The following DPY19L4 variants were observed in gnomAD, a reference collection of about 807,000 sequenced individuals.
The protein encoded by DPY19L4 is dpy-19 like 4.
Under a neutral mutation model 102.8 loss-of-function variants are expected in DPY19L4, and 97 were observed. The ratio of observed to expected loss-of-function variants is 0.94; its 90% confidence interval spans 0.80 to 1.12. The LOEUF is 1.12. Among genes scored for constraint, DPY19L4 ranks in the 50% most tolerant of loss-of-function variants. The probability of loss-of-function intolerance (pLI) is 0.00; values close to 1 mark genes in which losing one functional copy is unlikely to be tolerated. For synonymous variants in DPY19L4, 252 were observed against 283.1 expected (o/e 0.89, Z 1.10); for missense variants, 815 against 850.4 (o/e 0.96, Z 0.52).
At chr8:94,771,689 G>T (rs1429056485) in intron 13 of DPY19L4, among the ~76,000 whole-genome samples, 1 of 152,208 alleles carries the variant, frequency 6.6e-6, no homozygotes. Context: ...GCAGGTAGAG[G>T]GAATGGCATA....
chr8:94,776,302 G>A (rs1222850865), intron 13 of DPY19L4, among the ~76,000 whole-genome samples: 1 of 151,380 alleles, frequency 6.6e-6, no homozygotes, highest in African/African-American at 2.4e-5. Flanking sequence ...TAATTTGCTG[G>A]GATTACAGGC....
intron 2 of DPY19L4, among the ~76,000 whole-genome samples, chr8:94,727,768 T>C (rs1586306080): frequency 6.6e-6 from 1 of 152,146 alleles, no homozygotes; most frequent in South Asian, 2.1e-4. Flanking sequence ...GGGCTGGTCA[T>C]GTAGGTATCC....
Position 94,792,738 on chromosome 8 carries a change from C to G in DPY19L4, c.*2828C>G, listed in dbSNP as rs966152199. The stretch of plus-strand genomic sequence containing the variant: ...GGGCAGGGTGGCGGGCGCCTGTAGT[C>G]CCAGCTACTCCGAGGCTGAAGCAGG... On this transcript the variant is annotated 3_prime_UTR_variant, in exon 19 of 19. Transcript: ENST00000414645. The G allele has an allele frequency of 6.6e-6, 1 of 152,316 alleles. No individual in the cohort carries two copies. The highest frequency in any genetic ancestry group is 1.5e-5 in the Non-Finnish European group (1 of 68,260). The allele number at this position is 152,316 out of a possible 1,614,324, so 9.4% of individuals were successfully genotyped here.
chr8:94,783,756 G>A lies in DPY19L4; in HGVS notation c.1802G>A (p.Ser601Asn), dbSNP rs1813534392. ...TTATGCACTGGATGGATGGTGACAA[G>A]TTTGCCTCTTTACAATGATGATGAT... is the stretch of plus-strand genomic sequence containing the variant. Reference protein sequence around the residue: ...IKLCTGWMVTSLPLYNDDDLL... With the variant: ...IKLCTGWMVTNLPLYNDDDLL... Residue 601 changes from serine to asparagine, a missense_variant, in exon 17 of 19, where the codon AGT becomes AAT. Coordinates refer to ENST00000414645, the MANE Select transcript of DPY19L4 (RefSeq NM_181787.3). 1 of 1,613,990 alleles carries A rather than the reference G, an allele frequency of 6.2e-7. No homozygotes were observed. The highest frequency in any genetic ancestry group is 8.5e-7 in the Non-Finnish European group (1 of 1,180,008).
intron 7 of DPY19L4, among the ~76,000 whole-genome samples, chr8:94,756,908 C>T (rs1812183844): frequency 6.6e-6 from 1 of 152,072 alleles, no homozygotes. Context: ...GCCTGTAATC[C>T]CAGCTACTTG....
At chr8:94,787,232 A>C (rs745358201) in intron 17 of DPY19L4, among the ~76,000 whole-genome samples, 7 of 152,204 alleles carry the variant, frequency 4.6e-5, no homozygotes, top group Non-Finnish European at 1.0e-4. Flanking sequence ...TTAACACTTA[A>C]AAATAAATAA....
intron 6 of DPY19L4, chr8:94,744,925 T>C (rs1308146776): frequency 4.5e-6 from 1 of 222,148 alleles, no homozygotes; most frequent in Non-Finnish European, 9.1e-6. Flanking sequence ...TGTTTGCTTT[T>C]TGTTTATATT....
chr8:94,764,681 C>CTGTGTG (rs1283759337), intron 8 of DPY19L4, among the ~76,000 whole-genome samples: 106 of 69,992 alleles, frequency 1.5e-3, no homozygotes, highest in African/African-American at 5.5e-3. Context: ...GTGTGTGTGT[C>CTGTGTG]TGTGTGTGTA....
rs201331323 is a variant in DPY19L4 at position 94,755,591 on chromosome 8, T to C, written c.612-445T>C. 7.2e-5 allele frequency among the ~76,000 whole-genome samples: 11 copies of C among 152,316 alleles called. No individual in the cohort carries two copies. The East Asian group carries it at 1.9e-3, about 27-fold the overall frequency. On this transcript the variant is annotated intron_variant, in intron 6 of 18. Transcript: ENST00000414645. ...ACCCTATTAATTTGCTCAAAGATGC[T>C]GTATAGACAATGGTGGATCTGGGCT...
At chr8:94,749,074 A>G (rs1453945147) in intron 6 of DPY19L4, among the ~76,000 whole-genome samples, 1 of 152,184 alleles carries the variant, frequency 6.6e-6, no homozygotes, top group Non-Finnish European at 1.5e-5. Flanking sequence ...TCCTCTTTAT[A>G]AAACTATCAG....
chr8:94,740,359 A>T (rs545857991), intron 6 of DPY19L4, among the ~76,000 whole-genome samples: 1 of 152,004 alleles, frequency 6.6e-6, no homozygotes, highest in East Asian at 1.9e-4. Context: ...CTTCTAGGTG[A>T]ATGTGTGTGT....
chr8:94,746,281 G>T (rs1811671616), intron 6 of DPY19L4, among the ~76,000 whole-genome samples: 1 of 145,602 alleles, frequency 6.9e-6, no homozygotes. Flanking sequence ...GGCTGGTCTT[G>T]AACTCCTGAA....
Position 94,739,400 on chromosome 8 carries a change from T to C in DPY19L4, c.344-13T>C, listed in dbSNP as rs1414818442. The C allele has an allele frequency of 6.5e-7, 1 of 1,540,212 alleles. No individual in the cohort carries two copies. The highest frequency in any genetic ancestry group is 2.3e-5 in the East Asian group (1 of 43,960). ...AGAATAAATAATCTGGAGAAAAATC[T>C]TTCTGTCTTTAGGTGTTTACGAACT... On this transcript the variant is annotated splice_polypyrimidine_tract_variant and intron_variant, in intron 4 of 18. Transcript: ENST00000414645.
intron 6 of DPY19L4, among the ~76,000 whole-genome samples, chr8:94,742,985 A>G (rs374230009): frequency 1.3e-4 from 20 of 151,800 alleles, no homozygotes; most frequent in African/African-American, 4.6e-4. Context: ...GCTTACAGGC[A>G]TGAGCCACCA....
At chr8:94,730,437 T>C (rs1401490018) in intron 2 of DPY19L4, among the ~76,000 whole-genome samples, 1 of 152,130 alleles carries the variant, frequency 6.6e-6, no homozygotes, top group Non-Finnish European at 1.5e-5. Context: ...CATCTTTGAC[T>C]CCTTACAAAA....
At chr8:94,770,136 C>G (rs1258921553) in intron 12 of DPY19L4, among the ~76,000 whole-genome samples, 1 of 152,146 alleles carries the variant, frequency 6.6e-6, no homozygotes, top group East Asian at 1.9e-4. Context: ...ATCTGCCCAC[C>G]TTGGCCTCCC....
chr8:94,738,162 C>CA (rs1205289758), intron 3 of DPY19L4, among the ~76,000 whole-genome samples: 6 of 150,624 alleles, frequency 4.0e-5, no homozygotes, highest in African/African-American at 1.5e-4. Context: ...ACTAAAAATA[C>CA]AAAAAAATAG....
intron 6 of DPY19L4, 108 bp from the exon 7 acceptor site, chr8:94,755,928 C>T: frequency 8.4e-7 from 1 of 1,187,384 alleles, no homozygotes; most frequent in Non-Finnish European, 1.2e-6. Flanking sequence ...GCCTACCTCA[C>T]AGGATTGTTA....
intron 1 of DPY19L4, chr8:94,720,314 T>G (rs2130770871): frequency 1.0e-6 from 1 of 966,454 alleles, no homozygotes; most frequent in Non-Finnish European, 1.2e-6. Context: ...AGGGTCCTGA[T>G]CAGATTCTTG....
Sources: gnomAD v4.1 joint callset for allele counts (sites outside exome capture counted in the v4.1 genomes callset) on GRCh38, gnomAD v4.1.1 for gene constraint, MANE v1.5 for transcripts, NCBI Gene and HGNC (gene_info 2026-07-23, HGNC 2026-07-21) for gene names.